PDCD1LG2: variants seen among roughly 807,000 people sequenced by gnomAD.
PDCD1LG2 encodes B7 dendritic cell molecule.
A neutral mutation model predicts 28.2 loss-of-function variants in PDCD1LG2; 32 were observed. The observed-to-expected ratio is 1.13, with a 90% CI of 0.86 to 1.52. The LOEUF (loss-of-function observed/expected upper bound fraction) is 1.52, where lower values mean the gene tolerates loss of function less well. PDCD1LG2 is among the 40% of genes most tolerant of loss of function. The pLI, the probability that PDCD1LG2 is intolerant of heterozygous loss-of-function variation, is 0.00. For synonymous variants in PDCD1LG2, 116 were observed against 120.2 expected, an observed-to-expected ratio of 0.97 and a Z score of 0.23; for missense variants, 385 against 323.8, an observed-to-expected ratio of 1.19 and a Z score of -1.45.
intron 6 of PDCD1LG2, among the ~76,000 whole-genome samples, chr9:5,568,157 G>A (rs1586824377): frequency 6.6e-6 from 1 of 152,208 alleles, no homozygotes; most frequent in African/African-American, 2.4e-5. Flanking sequence ...TGAAATTAGA[G>A]TGGAGGACAT....
At chr9:5,549,699 G>A in intron 4 of PDCD1LG2, 95 bp downstream of exon 4, 1 of 1,442,036 alleles carries the variant, frequency 6.9e-7, no homozygotes, top group Non-Finnish European at 9.5e-7. Flanking sequence ...GTAATAAAGG[G>A]ACTGTTTACA....
chr9:5,542,006 C>T (rs540307870), intron 3 of PDCD1LG2, among the ~76,000 whole-genome samples: 26 of 152,154 alleles, frequency 1.7e-4, no homozygotes, highest in African/African-American at 5.8e-4. Flanking sequence ...TGGAACAAAA[C>T]GGAGAACCTA....
chr9:5,549,731 G>T, intron 4 of PDCD1LG2, 127 bp downstream of exon 4: 1 of 1,194,962 alleles, frequency 8.4e-7, no homozygotes, highest in Non-Finnish European at 1.2e-6. Context: ...ACCATTTGGA[G>T]AAACTACAAA....
chr9:5,521,675 A>T (rs777668020), intron 1 of PDCD1LG2, among the ~76,000 whole-genome samples: 1 of 152,152 alleles, frequency 6.6e-6, no homozygotes, highest in South Asian at 2.1e-4. Flanking sequence ...CATTCTCCTG[A>T]CCCAAACCCT....
rs1415809925 is a variant in PDCD1LG2, at chr9:5,549,431, T to C, written c.458T>C (p.Val153Ala). 1 of 1,614,194 alleles carries C rather than the reference T, an allele frequency of 6.2e-7. No individual in the cohort carries two copies. Among genetic ancestry groups the C allele is most frequent in the Non-Finnish European group, 8.5e-7 (1 of 1,180,032 alleles). The change falls in exon 4 of 7, where the codon GTA becomes GCA. Residue 153 changes from valine to alanine, a missense_variant. By Grantham distance (64) the Val-to-Ala change is moderately conservative. Transcript: ENST00000397747. ...CQATGYPLAE[V>A]SWPNVSVPAN... The stretch of plus-strand genomic sequence containing the variant: ...GCTACAGGTTATCCTCTGGCAGAAG[T>C]ATCCTGGCCAAACGTCAGCGTTCCT...
At chr9:5,516,272 C>T (rs1820162151) in intron 1 of PDCD1LG2, among the ~76,000 whole-genome samples, 1 of 152,166 alleles carries the variant, frequency 6.6e-6, no homozygotes, top group South Asian at 2.1e-4. Flanking sequence ...AGGCTGGTCT[C>T]AAACTCCTGA....
At chr9:5,512,233 G>A (rs1429268857) in intron 1 of PDCD1LG2, among the ~76,000 whole-genome samples, 1 of 152,172 alleles carries the variant, frequency 6.6e-6, no homozygotes, top group East Asian at 1.9e-4. Context: ...GGCAACTGTA[G>A]TATCACCTCC....
chr9:5,531,053 G>A (rs1820474345), intron 2 of PDCD1LG2, among the ~76,000 whole-genome samples: 1 of 152,184 alleles, frequency 6.6e-6, no homozygotes, highest in African/African-American at 2.4e-5. Flanking sequence ...GAAGCTCCCA[G>A]GAAAAGAAAA....
At chr9:5,531,529 A>T (rs533838884) in intron 2 of PDCD1LG2, among the ~76,000 whole-genome samples, 12 of 152,286 alleles carry the variant, frequency 7.9e-5, no homozygotes, top group Admixed American at 7.2e-4. Context: ...AGCATATTTT[A>T]TGCCTATCAC....
At position 5,569,184 on chromosome 9, in the gene PDCD1LG2, A is replaced by G. The variant is rs1219149768; in HGVS notation, c.817-770A>G. ...AAGAGTGCTTCAGTTAGATCCTAGC[A>G]GGAAATGGAGGGTATGCTTAGAAGA... On this transcript the variant is annotated intron_variant, in intron 6 of 6. Coordinates refer to ENST00000397747, the MANE Select transcript of PDCD1LG2 (RefSeq NM_025239.4). The surrounding 1 kb of genome is among the most constrained non-coding windows in gnomAD (Gnocchi z 4.1). Among the ~76,000 whole-genome samples the G allele has an allele frequency of 6.6e-6, 1 of 152,224 alleles. No individual in the cohort carries two copies. Among genetic ancestry groups the G allele is most frequent in the Non-Finnish European group, 1.5e-5 (1 of 68,044 alleles).
intron 2 of PDCD1LG2, among the ~76,000 whole-genome samples, chr9:5,526,279 A>G (rs1161198584): frequency 2.0e-5 from 3 of 152,198 alleles, no homozygotes; most frequent in Admixed American, 2.0e-4. Context: ...AAAGCTTAAC[A>G]TTACTATAAG....
At chr9:5,556,088 C>A (rs1033303396) in intron 4 of PDCD1LG2, among the ~76,000 whole-genome samples, 43 of 152,154 alleles carry the variant, frequency 2.8e-4, no homozygotes, top group Non-Finnish European at 2.8e-4. Context: ...TTAGATAAGG[C>A]CTTTGCCCTC....
intron 2 of PDCD1LG2, among the ~76,000 whole-genome samples, chr9:5,530,836 A>G (rs1792188603): frequency 6.6e-6 from 1 of 152,202 alleles, no homozygotes; most frequent in South Asian, 2.1e-4. Flanking sequence ...CTACTTCTCA[A>G]ACATTAATGT....
intron 5 of PDCD1LG2, among the ~76,000 whole-genome samples, chr9:5,559,403 C>T (rs761504391): frequency 3.9e-5 from 6 of 152,174 alleles, no homozygotes; most frequent in African/African-American, 7.2e-5. Context: ...GTCTGCCATG[C>T]ACACAAACTT....
chr9:5,549,904 T>G (rs950197342), intron 4 of PDCD1LG2, among the ~76,000 whole-genome samples: 2 of 152,168 alleles, frequency 1.3e-5, no homozygotes, highest in African/African-American at 4.8e-5. Flanking sequence ...GGGTGGAAAC[T>G]GGATGAATGA....
chr9:5,563,041 A>T (rs1816596678), intron 5 of PDCD1LG2, 121 bp from the exon 6 acceptor site: 2 of 808,132 alleles, frequency 2.5e-6, no homozygotes, highest in Non-Finnish European at 4.0e-6. Context: ...GCCACAGTGA[A>T]CATTTGGGCT....
rs1820231075 is a variant in PDCD1LG2, at chr9:5,519,382, T to C, written c.-14-3151T>C. On this transcript the variant is annotated intron_variant, in intron 1 of 6. Coordinates refer to ENST00000397747, the MANE Select transcript of PDCD1LG2 (RefSeq NM_025239.4). ...GTTTACTCTCTCTTAGAGGTTAGAA[T>C]TGGCTAACCCTGGGAGCGGCAGTCC... Among the ~76,000 whole-genome samples, 3 of 152,122 alleles carry C rather than the reference T, an allele frequency of 2.0e-5. No individual in the cohort carries two copies. In the South Asian group the frequency reaches 6.2e-4, roughly 32 times the overall value.
At chr9:5,552,879 A>G (rs968104471) in intron 4 of PDCD1LG2, among the ~76,000 whole-genome samples, 3 of 152,168 alleles carry the variant, frequency 2.0e-5, no homozygotes, top group African/African-American at 7.2e-5. Context: ...AGTTAGCCCA[A>G]CTTCCTTCTA....
chr9:5,559,695 C>G (rs551064529), intron 5 of PDCD1LG2, among the ~76,000 whole-genome samples: 26 of 152,298 alleles, frequency 1.7e-4, no homozygotes, highest in African/African-American at 6.0e-4. Flanking sequence ...CTCCTGCTAC[C>G]TCCAACTTGG....
Sources: gnomAD v4.1 joint callset for allele counts (sites outside exome capture counted in the v4.1 genomes callset) on GRCh38, gnomAD v4.1.1 for gene constraint, Gnocchi (gnomAD v3.1) non-coding constraint, MANE v1.5 for transcripts, NCBI Gene and HGNC (gene_info 2026-07-23, HGNC 2026-07-21) for gene names.